Variants in SLIT3 observed in about 807,000 individuals in gnomAD.
SLIT3 encodes the protein slit guidance ligand 3.
Under a neutral mutation model 184.0 loss-of-function variants are expected in SLIT3, and 68 were observed. The observed-to-expected ratio is 0.37, with a 90% CI of 0.30 to 0.45. The LOEUF (loss-of-function observed/expected upper bound fraction) is 0.45, where lower values mean the gene tolerates loss of function less well. SLIT3 is among the 20% of genes least tolerant of loss of function. The pLI is 1.00. For missense variants in SLIT3, 1,707 were observed against 2,026.0 expected (o/e 0.84, Z 3.02); for synonymous variants, 831 against 828.6 (o/e 1.00, Z -0.05).
chr5:168,792,769 C>T (rs4867583), intron 10 of SLIT3, among the ~76,000 whole-genome samples: 3,114 of 152,264 alleles, frequency 0.02, 52 homozygotes, highest in Non-Finnish European at 0.032. Context: ...CTTTCTACTG[C>T]TTCTCTGCTT....
At chr5:169,026,164 A>G (rs948101973) in intron 4 of SLIT3, 6 of 152,256 alleles carry the variant, frequency 3.9e-5, no homozygotes, top group Non-Finnish European at 8.8e-5. Flanking sequence ...AGAGGAGATT[A>G]GGATATTCTG....
intron 4 of SLIT3, among the ~76,000 whole-genome samples, chr5:169,166,208 C>T (rs1762633663): frequency 2.6e-5 from 4 of 152,148 alleles, no homozygotes; most frequent in Admixed American, 2.6e-4. Context: ...CCGTCTTTGC[C>T]ATGGAGACCA....
In SLIT3 at chr5:169,300,411, T is replaced by C. The variant is rs1461840902; in HGVS notation, c.197+102A>G. 3.8e-6 allele frequency: 5 copies of C among 1,320,872 alleles called. No individual in the cohort carries two copies. The highest frequency in any genetic ancestry group is 3.8e-5 in the Admixed American group (1 of 26,618). 81.8% of individuals were successfully genotyped at this position (1,320,872 alleles called of 1,614,324 possible). On this transcript the variant is annotated intron_variant, in intron 1 of 35. Coordinates refer to ENST00000519560, the MANE Select transcript of SLIT3 (RefSeq NM_003062.4). The surrounding 1 kb of genome is among the most constrained non-coding windows in gnomAD (Gnocchi z 4.1). ...TCCAGGAAGGGATGAGAATAGAGAC[T>C]GCATCCAGGGAGGCCGAGGGGAAAG...
At chr5:168,676,726 C>CAG (rs138343014) in intron 32 of SLIT3, among the ~76,000 whole-genome samples, 47,505 of 152,086 alleles carry the variant, frequency 0.31, 8,081 homozygotes, top group African/African-American at 0.45. Flanking sequence ...GGTGTGTCAA[C>CAG]ATGCTGGACA....
chr5:168,667,919 G>C (rs1761107121), intron 35 of SLIT3, among the ~76,000 whole-genome samples: 1 of 152,166 alleles, frequency 6.6e-6, no homozygotes, highest in East Asian at 1.9e-4. Context: ...CTAATGACTG[G>C]GGTGAAGGGA....
chr5:168,742,251 T>C (rs1763658786), intron 20 of SLIT3, among the ~76,000 whole-genome samples: 1 of 149,428 alleles, frequency 6.7e-6, no homozygotes, highest in Non-Finnish European at 1.5e-5. Flanking sequence ...TCTGGGCTCC[T>C]AGCCCAGTGC....
chr5:169,151,147 A>C (rs1762102446), intron 4 of SLIT3, among the ~76,000 whole-genome samples: 1 of 152,200 alleles, frequency 6.6e-6, no homozygotes, highest in African/African-American at 2.4e-5. Flanking sequence ...CGACGTTTGA[A>C]ACAGAAGCAG....
chr5:168,837,343 AG>A (rs1758086207), intron 6 of SLIT3, among the ~76,000 whole-genome samples: 1 of 152,216 alleles, frequency 6.6e-6, no homozygotes, highest in African/African-American at 2.4e-5. Flanking sequence ...AGAGAAACCC[AG>A]GTGAAACATT....
intron 3 of SLIT3, 50 bp from the exon 4 acceptor site, chr5:169,193,600 C>G (rs1161405377): frequency 1.5e-6 from 2 of 1,339,834 alleles, no homozygotes; most frequent in Non-Finnish European, 2.1e-6. Context: ...TAAACCAGAT[C>G]AAACGTATTC....
chr5:168,752,940 C>T lies in SLIT3; in HGVS notation c.1973+15G>A, dbSNP rs1480540380. The T allele has an allele frequency of 6.2e-7, 1 of 1,613,466 alleles. No individual in the cohort carries two copies. The highest frequency in any genetic ancestry group is 1.7e-5 in the Admixed American group (1 of 59,998). ...GATCCCAGAGTCCGTGGGCAGTGGA[C>T]CCAGGAGAACTTACATGGTGGACAG... On this transcript the variant is annotated intron_variant, in intron 18 of 35. Transcript: ENST00000519560.
rs111301852 is a variant in SLIT3, at chr5:168,978,505, G to A, written c.414-95169C>T. 5.0e-3 allele frequency among the ~76,000 whole-genome samples: 767 copies of A among 152,268 alleles called. 3 individuals carry two copies. Among genetic ancestry groups the A allele is most frequent in the Non-Finnish European group, 6.4e-3 (435 of 68,020 alleles). Reference sequence around the variant, plus strand: ...CCTAGAGGTGAACATCTAACAGGCAGAACCTGATTCTACCTGTCAACTCAG... The same window carrying A: ...CCTAGAGGTGAACATCTAACAGGCAAAACCTGATTCTACCTGTCAACTCAG... On this transcript the variant is annotated intron_variant, in intron 4 of 35. Transcript: ENST00000519560.
chr5:168,724,501 G>A lies in SLIT3; in HGVS notation c.2271-17C>T, dbSNP rs1763044207. On this transcript the variant is annotated splice_polypyrimidine_tract_variant and intron_variant, in intron 20 of 35. Coordinates refer to ENST00000519560, the MANE Select transcript of SLIT3 (RefSeq NM_003062.4). ...TCCAGGTACCTGAAAGAGGTGTGGA[G>A]AGACAACACCTGAGAAAGAGACACT... 6.2e-7 allele frequency: 1 copy of A among 1,607,322 alleles called. No individual in the cohort carries two copies. The highest frequency in any genetic ancestry group is 8.5e-7 in the Non-Finnish European group (1 of 1,174,932).
intron 1 of SLIT3, among the ~76,000 whole-genome samples, chr5:169,281,251 G>A (rs1256530335): frequency 6.6e-6 from 1 of 152,202 alleles, no homozygotes; most frequent in Non-Finnish European, 1.5e-5. Context: ...GGCCAAGGTG[G>A]GCGGATCATG....
At chr5:169,067,291 A>T (rs1392786809) in intron 4 of SLIT3, among the ~76,000 whole-genome samples, 1 of 152,132 alleles carries the variant, frequency 6.6e-6, no homozygotes, top group Non-Finnish European at 1.5e-5. Flanking sequence ...CTGTAGTCCC[A>T]GCTACTCAGG....
At chr5:168,942,633 A>G (rs1187634850) in intron 4 of SLIT3, among the ~76,000 whole-genome samples, 1 of 152,150 alleles carries the variant, frequency 6.6e-6, no homozygotes, top group Non-Finnish European at 1.5e-5. Flanking sequence ...TATCCTACGA[A>G]TATATGTACT....
At position 169,192,949 on chromosome 5, in the gene SLIT3, G is replaced by A. The variant is rs891523508; in HGVS notation, c.413+530C>T. 3.9e-5 allele frequency among the ~76,000 whole-genome samples: 6 copies of A among 152,262 alleles called. No individual in the cohort carries two copies. The East Asian group carries it at 1.2e-3, about 29-fold the overall frequency. On this transcript the variant is annotated intron_variant, in intron 4 of 35. Coordinates refer to ENST00000519560, the MANE Select transcript of SLIT3 (RefSeq NM_003062.4). ...TCATTTTACCCTGGATCTCTGAAGA[G>A]AATAAAGCAAAATTCAACACATTTC... is the stretch of plus-strand genomic sequence containing the variant.
In SLIT3 at chr5:169,021,688, C is replaced by T. The variant is rs140706246; in HGVS notation, c.414-138352G>A. Among the ~76,000 whole-genome samples, 202 of 152,268 alleles carry T rather than the reference C, an allele frequency of 1.3e-3. 2 individuals are homozygous for T. The highest frequency in any genetic ancestry group is 4.6e-3 in the African/African-American group (190 of 41,550). On this transcript the variant is annotated intron_variant, in intron 4 of 35. Transcript: ENST00000519560. ...TAAAATAGTAACCTATGTGTTGCTG[C>T]CCCTTCCAAGACACTCATACTCCCT...
intron 3 of SLIT3, among the ~76,000 whole-genome samples, chr5:169,204,275 T>C (rs1016088157): frequency 1.3e-5 from 2 of 151,966 alleles, no homozygotes; most frequent in African/African-American, 2.4e-5. Flanking sequence ...GGTTGGGCAA[T>C]GAAGAGCCCA....
At chr5:169,290,838 A>G (rs1430305766) in intron 1 of SLIT3, among the ~76,000 whole-genome samples, 11 of 150,038 alleles carry the variant, frequency 7.3e-5, no homozygotes, top group Non-Finnish European at 1.5e-4. Context: ...ACTAGGGCAC[A>G]CGCTAGGGCA....
Sources: gnomAD v4.1 joint callset for allele counts (sites outside exome capture counted in the v4.1 genomes callset) on GRCh38, gnomAD v4.1.1 for gene constraint, Gnocchi (gnomAD v3.1) non-coding constraint, MANE v1.5 for transcripts, NCBI Gene and HGNC (gene_info 2026-07-23, HGNC 2026-07-21) for gene names.